The following KCND3 variants were observed in gnomAD, a reference collection of about 807,000 sequenced individuals.
KCND3 encodes A-type voltage-gated potassium channel KCND3.
In KCND3, 9 loss-of-function variants were observed where a neutral mutation model predicts 51.1. That is an observed-to-expected ratio of 0.18 (90% confidence interval 0.11 to 0.31). The LOEUF (loss-of-function observed/expected upper bound fraction) is 0.31. KCND3 is among the 10% of genes least tolerant of loss of function. The pLI is 1.00. For missense variants in KCND3, 526 were observed against 903.8 expected, an observed-to-expected ratio of 0.58 and a Z score of 5.36; for synonymous variants, 349 against 368.0, an observed-to-expected ratio of 0.95 and a Z score of 0.59.
intron 2 of KCND3, among the ~76,000 whole-genome samples, chr1:111,887,429 G>C (rs1669619663): frequency 6.6e-6 from 1 of 152,150 alleles, no homozygotes; most frequent in South Asian, 2.1e-4. Context: ...GGACAAAGAG[G>C]GGAAGGTGAG....
In KCND3 at chr1:111,941,187, G is replaced by GA. The variant is rs997714817; in HGVS notation, c.1106+40433dup. ...TGCAGAGCTGGTAACCAACTTCACA[G>GA]AAAAAAAAAACCAGACACATTTTCT... On this transcript the variant is annotated intron_variant, in intron 2 of 7. Transcript: ENST00000302127. Among the ~76,000 whole-genome samples the GA allele has an allele frequency of 1.8e-3, 261 of 148,482 alleles. 1 individual carries two copies. Among genetic ancestry groups the GA allele is most frequent in the African/African-American group, 4.1e-3 (168 of 40,612 alleles).
chr1:111,967,986 G>A (rs897887734), intron 2 of KCND3, among the ~76,000 whole-genome samples: 4 of 152,146 alleles, frequency 2.6e-5, no homozygotes, highest in African/African-American at 9.7e-5. Context: ...GGCCAGCTCA[G>A]GCATAAAGCA....
intron 2 of KCND3, among the ~76,000 whole-genome samples, chr1:111,796,593 C>T (rs990126561): frequency 6.6e-6 from 1 of 152,096 alleles, no homozygotes; most frequent in Non-Finnish European, 1.5e-5. Flanking sequence ...CACATGGACA[C>T]ATAGAGGGGA....
At chr1:111,956,940 T>C (rs1673370942) in intron 2 of KCND3, among the ~76,000 whole-genome samples, 1 of 152,184 alleles carries the variant, frequency 6.6e-6, no homozygotes, top group South Asian at 2.1e-4. Flanking sequence ...ACTAGGGTTG[T>C]CCGTGCCTCT....
chr1:111,890,659 G>C (rs1669783545), intron 2 of KCND3, among the ~76,000 whole-genome samples: 1 of 152,044 alleles, frequency 6.6e-6, no homozygotes, highest in African/African-American at 2.4e-5. Context: ...CAGGGAGTGA[G>C]TGTAAATGGA....
chr1:111,948,953 T>C (rs1893736), intron 2 of KCND3, among the ~76,000 whole-genome samples: 49,755 of 151,868 alleles, frequency 0.33, 8,969 homozygotes, highest in East Asian at 0.68. Context: ...CAAGAAGATC[T>C]TTTCTTTGGG....
intron 2 of KCND3, among the ~76,000 whole-genome samples, chr1:111,796,094 C>T (rs959170036): frequency 5.3e-5 from 8 of 152,162 alleles, no homozygotes; most frequent in Non-Finnish European, 8.8e-5. Context: ...AAACCTTTGT[C>T]GGATTGCATA....
intron 2 of KCND3, among the ~76,000 whole-genome samples, chr1:111,895,833 C>T (rs1326320106): frequency 6.6e-6 from 1 of 152,238 alleles, no homozygotes; most frequent in African/African-American, 2.4e-5. Flanking sequence ...GTGTCCTAGC[C>T]TCCTGCAAAC....
chr1:111,956,854 T>C (rs887548557), intron 2 of KCND3, among the ~76,000 whole-genome samples: 7 of 152,172 alleles, frequency 4.6e-5, no homozygotes, highest in African/African-American at 1.7e-4. Context: ...ACCTCCTTAT[T>C]ATACCAGTAG....
At chr1:111,973,592 G>A (rs1471317606) in intron 2 of KCND3, among the ~76,000 whole-genome samples, 1 of 152,048 alleles carries the variant, frequency 6.6e-6, no homozygotes, top group African/African-American at 2.4e-5. Context: ...GCTAGATAAT[G>A]TAGGGGGGAA....
intron 2 of KCND3, among the ~76,000 whole-genome samples, chr1:111,835,717 G>A (rs745854782): frequency 6.6e-5 from 10 of 152,200 alleles, no homozygotes; most frequent in Admixed American, 1.3e-4. Context: ...CCTTAGTTCT[G>A]GGACATCCCT....
Position 111,981,288 on chromosome 1 carries a change from C to T in KCND3, c.1106+333G>A, listed in dbSNP as rs779548282. On this transcript the variant is annotated intron_variant, in intron 2 of 7. Transcript: ENST00000302127. The surrounding 1 kb of genome is among the most constrained non-coding windows in gnomAD (Gnocchi z 6.2). ...CCTTCTCCCCACGCTGCCCCATATG[C>T]GCAAATGCATATACAAATGCAGACA... 1.3e-5 allele frequency among the ~76,000 whole-genome samples: 2 copies of T among 152,114 alleles called. No homozygotes were observed. Among genetic ancestry groups the T allele is most frequent in the Non-Finnish European group, 2.9e-5 (2 of 68,026 alleles).
chr1:111,918,379 T>C (rs987135458), intron 2 of KCND3, among the ~76,000 whole-genome samples: 4 of 152,222 alleles, frequency 2.6e-5, no homozygotes, highest in African/African-American at 9.6e-5. Flanking sequence ...AGTAAATTAA[T>C]TGATAGGCAT....
intron 2 of KCND3, among the ~76,000 whole-genome samples, chr1:111,925,095 G>C (rs1218092688): frequency 6.6e-6 from 1 of 152,168 alleles, no homozygotes; most frequent in Non-Finnish European, 1.5e-5. Flanking sequence ...TGACTGCCAG[G>C]GTACCAGGGA....
At chr1:111,978,153 A>T (rs1315564512) in intron 2 of KCND3, among the ~76,000 whole-genome samples, 1 of 152,196 alleles carries the variant, frequency 6.6e-6, no homozygotes, top group Non-Finnish European at 1.5e-5. Flanking sequence ...TGGTTCCAGG[A>T]GATCCCTCCC....
chr1:111,844,650 C>A (rs1360367645), intron 2 of KCND3, among the ~76,000 whole-genome samples: 1 of 152,230 alleles, frequency 6.6e-6, no homozygotes, highest in African/African-American at 2.4e-5. Context: ...CATCCCTTCA[C>A]TTGAGACAGA....
At chr1:111,954,005 A>T (rs974816297) in intron 2 of KCND3, among the ~76,000 whole-genome samples, 6 of 152,026 alleles carry the variant, frequency 3.9e-5, no homozygotes, top group Admixed American at 2.0e-4. Flanking sequence ...ATGGGCTAAC[A>T]AGCCAGGATG....
At chr1:111,865,997 T>A (rs1343054234) in intron 2 of KCND3, among the ~76,000 whole-genome samples, 1 of 152,184 alleles carries the variant, frequency 6.6e-6, no homozygotes, top group Non-Finnish European at 1.5e-5. Context: ...TGAGCCACCA[T>A]GCCTGGCCCA....
intron 2 of KCND3, among the ~76,000 whole-genome samples, chr1:111,865,171 T>A (rs145960728): frequency 6.6e-6 from 1 of 152,358 alleles, no homozygotes; most frequent in East Asian, 1.9e-4. Context: ...TTATTATTAA[T>A]AGTTATTGAG....
Sources: gnomAD v4.1 joint callset for allele counts (sites outside exome capture counted in the v4.1 genomes callset) on GRCh38, gnomAD v4.1.1 for gene constraint, Gnocchi (gnomAD v3.1) non-coding constraint, MANE v1.5 for transcripts, NCBI Gene and HGNC (gene_info 2026-07-23, HGNC 2026-07-21) for gene names.